Variants in ATP10B observed in about 807,000 individuals in gnomAD.
ATP10B encodes phospholipid-transporting ATPase VB.
In ATP10B, 122 loss-of-function variants were observed where a neutral mutation model predicts 141.2. The observed-to-expected ratio is 0.86, with a 90% CI of 0.75 to 1.00. The LOEUF (loss-of-function observed/expected upper bound fraction) is 1.00. Among genes scored for constraint, ATP10B ranks in the 50% least tolerant of loss-of-function variants. The pLI is 0.00. For synonymous variants in ATP10B, 685 were observed against 692.0 expected (o/e 0.99, Z 0.16); for missense variants, 1,876 against 1,825.3 (o/e 1.03, Z -0.51).
chr5:160,685,295 TTC>T (rs1422800426), intron 6 of ATP10B: 1 of 579,206 alleles, frequency 1.7e-6, no homozygotes, highest in Non-Finnish European at 3.0e-6. Flanking sequence ...CTGAAAATTT[TTC>T]TCTCTTCTTT....
At chr5:160,841,496 T>A (rs1404894246) in intron 1 of ATP10B, among the ~76,000 whole-genome samples, 1 of 152,194 alleles carries the variant, frequency 6.6e-6, no homozygotes, top group South Asian at 2.1e-4. Flanking sequence ...TCTGAGCATA[T>A]GTTTTTGTAT....
rs1028777221 is a variant in ATP10B, at chr5:160,681,122, T to A, written c.470+4957A>T. Among the ~76,000 whole-genome samples, 11 of 152,200 alleles carry A rather than the reference T, an allele frequency of 7.2e-5. 1 individual carries two copies. Among genetic ancestry groups the A allele is most frequent in the African/African-American group, 2.7e-4 (11 of 41,446 alleles). ...AATGACTTAAGCCAAGGAAGTCTCT[T>A]CGTTGTTTAAACCTGTTAAAATGGA... is the stretch of plus-strand genomic sequence containing the variant. On this transcript the variant is annotated intron_variant, in intron 6 of 25. Transcript: ENST00000327245.
chr5:160,653,550 A>G (rs568620824), intron 7 of ATP10B, among the ~76,000 whole-genome samples: 2 of 133,260 alleles, frequency 1.5e-5, no homozygotes, highest in Non-Finnish European at 3.1e-5. Context: ...ACATACATAC[A>G]TATATACATA....
intron 6 of ATP10B, chr5:160,685,000 G>T (rs200659997): frequency 3.3e-4 from 230 of 703,246 alleles, no homozygotes; most frequent in Non-Finnish European, 4.6e-4. Context: ...ATTCAGAACC[G>T]CAATGCCCAC....
At chr5:160,927,424 C>T in the ATP10B span, among the ~76,000 whole-genome samples, 9 of 152,128 alleles carry the variant, frequency 5.9e-5, no homozygotes, top group Non-Finnish European at 1.2e-4. Context: ...TCTTACCATA[C>T]CTTGCTGTTT....
chr5:160,654,966 C>T (rs956517750), intron 7 of ATP10B, among the ~76,000 whole-genome samples: 2 of 152,148 alleles, frequency 1.3e-5, no homozygotes, highest in Non-Finnish European at 2.9e-5. Flanking sequence ...ACCTTAGCAT[C>T]GCTCACTCCC....
intron 2 of ATP10B, among the ~76,000 whole-genome samples, chr5:160,728,889 C>T (rs140429797): frequency 2.4e-4 from 36 of 152,276 alleles, no homozygotes; most frequent in African/African-American, 8.2e-4. Flanking sequence ...TGGGCTGGGA[C>T]AGCAGGAAAT....
At chr5:160,754,224 A>G (rs1290798667) in intron 2 of ATP10B, among the ~76,000 whole-genome samples, 6 of 152,196 alleles carry the variant, frequency 3.9e-5, no homozygotes, top group Non-Finnish European at 7.3e-5. Flanking sequence ...AAATCTGTCA[A>G]GAAACATCGT....
chr5:160,753,991 C>T (rs1768341994), intron 2 of ATP10B, among the ~76,000 whole-genome samples: 1 of 152,120 alleles, frequency 6.6e-6, no homozygotes. Context: ...AACAAGTATC[C>T]TATATTACAA....
chr5:160,867,428 G>A, the ATP10B span, among the ~76,000 whole-genome samples: 2 of 152,034 alleles, frequency 1.3e-5, no homozygotes, highest in Non-Finnish European at 2.9e-5. Context: ...ATTCAAGTAA[G>A]CTTATGGCCT....
At chr5:160,596,007 A>C (rs1024054660) in intron 22 of ATP10B, among the ~76,000 whole-genome samples, 1 of 152,084 alleles carries the variant, frequency 6.6e-6, no homozygotes, top group African/African-American at 2.4e-5. Flanking sequence ...ATTCCAATCA[A>C]TAGAAAAAGA....
chr5:160,577,290 C>T (rs912302015), intron 24 of ATP10B, among the ~76,000 whole-genome samples: 2 of 152,078 alleles, frequency 1.3e-5, no homozygotes, highest in Non-Finnish European at 2.9e-5. Flanking sequence ...AAACTCATTG[C>T]CCAAAACAGT....
intron 2 of ATP10B, among the ~76,000 whole-genome samples, chr5:160,745,374 A>G (rs1336739592): frequency 1.3e-5 from 2 of 152,242 alleles, no homozygotes; most frequent in South Asian, 2.1e-4. Flanking sequence ...AAATTGTCAC[A>G]TGACTGAGGA....
intron 2 of ATP10B, among the ~76,000 whole-genome samples, chr5:160,727,239 G>C (rs950575108): frequency 6.6e-6 from 1 of 152,136 alleles, no homozygotes; most frequent in Non-Finnish European, 1.5e-5. Flanking sequence ...CATGAACGCC[G>C]ATCCCTACAA....
At chr5:160,590,589 T>G (rs1418325576) in intron 23 of ATP10B, among the ~76,000 whole-genome samples, 1 of 152,232 alleles carries the variant, frequency 6.6e-6, no homozygotes, top group Non-Finnish European at 1.5e-5. Flanking sequence ...TAGTATCTCA[T>G]TATCGGAACT....
At chr5:160,874,225 C>T in the ATP10B span, among the ~76,000 whole-genome samples, 5 of 148,800 alleles carry the variant, frequency 3.4e-5, no homozygotes, top group Admixed American at 2.7e-4. Flanking sequence ...GGGTCCCTGA[C>T]CCCTGACCCC....
chr5:160,607,160 T>C, intron 18 of ATP10B, 74 bp from the exon 19 acceptor site: 1 of 1,297,440 alleles, frequency 7.7e-7, no homozygotes, highest in Non-Finnish European at 1.1e-6. Context: ...AGTTTATTCT[T>C]TAGTAAGATA....
intron 7 of ATP10B, 28 bp downstream of exon 7, chr5:160,670,435 C>G: frequency 6.2e-7 from 1 of 1,610,166 alleles, no homozygotes; most frequent in Non-Finnish European, 8.5e-7. Flanking sequence ...TATGACTTTA[C>G]CATTGAAGAT....
chr5:160,745,127 C>T (rs1440136704), intron 2 of ATP10B, among the ~76,000 whole-genome samples: 1 of 152,196 alleles, frequency 6.6e-6, no homozygotes, highest in Non-Finnish European at 1.5e-5. Context: ...CAAGGATTTG[C>T]TGCTGCTATT....
Sources: allele counts gnomAD v4.1 joint callset (sites outside exome capture counted in the v4.1 genomes callset), GRCh38; gene constraint gnomAD v4.1.1; transcripts MANE v1.5; gene names NCBI Gene and HGNC (gene_info 2026-07-23, HGNC 2026-07-21).